MIX23: variants seen among roughly 807,000 people sequenced by gnomAD.
The protein encoded by MIX23 is protein MIX23.
Under a neutral mutation model 21.6 loss-of-function variants are expected in MIX23, and 13 were observed. That is an observed-to-expected ratio of 0.60 (90% CI 0.39 to 0.96). The LOEUF (loss-of-function observed/expected upper bound fraction) is 0.96, where lower values mean the gene tolerates loss of function less well. Ranked by LOEUF, MIX23 falls within the 40% of genes least tolerant of loss-of-function variation. The pLI, the probability that MIX23 is intolerant of heterozygous loss-of-function variation, is 0.00. For synonymous variants in MIX23, 59 were observed against 58.0 expected, an observed-to-expected ratio of 1.02 and a Z score of -0.08; for missense variants, 144 against 171.2, an observed-to-expected ratio of 0.84 and a Z score of 0.89.
chr3:122,380,639 A>G (rs751495112), intron 1 of MIX23, among the ~76,000 whole-genome samples: 5 of 152,184 alleles, frequency 3.3e-5, no homozygotes, highest in Non-Finnish European at 7.4e-5. Context: ...GACAAGAGGC[A>G]CTTTGGGATT....
At chr3:122,366,928 A>AC (rs780705077) in intron 3 of MIX23, among the ~76,000 whole-genome samples, 109 of 144,644 alleles carry the variant, frequency 7.5e-4, no homozygotes, top group Non-Finnish European at 1.4e-3. Context: ...ACAGAGTGAG[A>AC]CCCCATCTCA....
chr3:122,378,112 C>T (rs1267913949), intron 1 of MIX23, among the ~76,000 whole-genome samples: 1 of 152,156 alleles, frequency 6.6e-6, no homozygotes, highest in Non-Finnish European at 1.5e-5. Flanking sequence ...ATGATCAGAT[C>T]TGTGTTCTAA....
In MIX23 at chr3:122,377,180, C is replaced by A. The variant is rs2075494362; in HGVS notation, c.52-5380G>T. On this transcript the variant is annotated intron_variant, in intron 1 of 4. Coordinates refer to ENST00000291458, the MANE Select transcript of MIX23 (RefSeq NM_001017928.4). Reference sequence around the variant, plus strand: ...TGGGTGACAAAGCGAGACTCCATCTCCGAAAAGAAACCTGTATATGTACCC... The same window carrying A: ...TGGGTGACAAAGCGAGACTCCATCTACGAAAAGAAACCTGTATATGTACCC... Among the ~76,000 whole-genome samples, 3 of 152,014 alleles carry A rather than the reference C, an allele frequency of 2.0e-5. No individual in the cohort carries two copies. The South Asian group carries it at 6.2e-4, about 32-fold the overall frequency.
Position 122,376,166 on chromosome 3 carries a change from C to CAAAAAAAA in MIX23, c.52-4374_52-4367dup, listed in dbSNP as rs1158747986. Among the ~76,000 whole-genome samples the CAAAAAAAA allele has an allele frequency of 6.2e-5, 4 of 64,460 alleles. 1 individual carries two copies. The highest frequency in any genetic ancestry group is 1.9e-4 in the African/African-American group (3 of 15,446). The allele number at this position is 64,460 out of a possible 152,430, so 42.3% of individuals were successfully genotyped here. A position where few individuals can be genotyped will look rare whatever the true frequency, so the allele number is the denominator to read the frequency against. On this transcript the variant is annotated intron_variant, in intron 1 of 4. Transcript: ENST00000291458. ...TGGGCAGCAGAGAGAGACTCCGTCT[C>CAAAAAAAA]AAAAAAAAAAAAAAAAAAAAAAAGA...
At position 122,371,715 on chromosome 3, in the gene MIX23, T is replaced by C; in HGVS notation, c.137A>G (p.Lys46Arg). Residue 46 changes from lysine to arginine, a missense_variant, in exon 2 of 5, where the codon AAA becomes AGA. Coordinates refer to ENST00000291458, the MANE Select transcript of MIX23 (RefSeq NM_001017928.4). ...TTTACAGGTTTGGCTGGCATCAATT[T>C]TCCCTGCAAAGGAAGCTGTTGGAAC... is the stretch of plus-strand genomic sequence containing the variant. ...TTVPTASFAG[K>R]IDASQTCKQL... 6.2e-7 allele frequency: 1 copy of C among 1,612,686 alleles called. No individual in the cohort carries two copies. Among genetic ancestry groups the C allele is most frequent in the Non-Finnish European group, 8.5e-7 (1 of 1,179,840 alleles).
At chr3:122,377,044 G>A (rs1354450717) in intron 1 of MIX23, among the ~76,000 whole-genome samples, 1 of 152,164 alleles carries the variant, frequency 6.6e-6, no homozygotes, top group African/African-American at 2.4e-5. Flanking sequence ...AGCCGCGCAT[G>A]GTGGCGCACA....
intron 2 of MIX23, 66 bp downstream of exon 2, chr3:122,371,609 C>G: frequency 1.3e-6 from 2 of 1,552,324 alleles, no homozygotes; most frequent in Non-Finnish European, 1.8e-6. Context: ...TACAAGATAA[C>G]TGATTTCTTA....
chr3:122,369,336 C>A (rs1428350177), intron 2 of MIX23, among the ~76,000 whole-genome samples: 5 of 152,186 alleles, frequency 3.3e-5, no homozygotes. Context: ...TACTGATCAA[C>A]TCCTAGGAAG....
chr3:122,362,552 G>A (rs527849740), intron 4 of MIX23, among the ~76,000 whole-genome samples: 27 of 151,846 alleles, frequency 1.8e-4, no homozygotes, highest in Non-Finnish European at 3.5e-4. Flanking sequence ...CTTGATCTCA[G>A]CTCACTCCAA....
intron 1 of MIX23, among the ~76,000 whole-genome samples, chr3:122,379,851 A>G (rs16833066): frequency 0.033 from 4,991 of 152,270 alleles, 259 homozygotes; most frequent in African/African-American, 0.11. Context: ...CAAAACAAGA[A>G]GAGATCTGAT....
intron 1 of MIX23, among the ~76,000 whole-genome samples, chr3:122,376,555 G>A (rs980411289): frequency 1.3e-5 from 2 of 152,132 alleles, no homozygotes; most frequent in African/African-American, 2.4e-5. Flanking sequence ...GGAGGTGGAG[G>A]TTGCAGTGAA....
intron 1 of MIX23, among the ~76,000 whole-genome samples, chr3:122,379,585 C>G (rs1351301731): frequency 1.3e-5 from 2 of 152,172 alleles, no homozygotes; most frequent in Non-Finnish European, 2.9e-5. Flanking sequence ...GGAGGCTTAG[C>G]CCCAATGGCA....
chr3:122,362,924 A>G, intron 4 of MIX23, 44 bp downstream of exon 4: 1 of 1,540,386 alleles, frequency 6.5e-7, no homozygotes. Flanking sequence ...TTGCTAGTTC[A>G]GTTTCCCTCC....
chr3:122,374,056 A>G (rs1461978991), intron 1 of MIX23, among the ~76,000 whole-genome samples: 1 of 151,188 alleles, frequency 6.6e-6, no homozygotes, highest in East Asian at 1.9e-4. Flanking sequence ...ATAGGTAAGT[A>G]GAAGACAGGG....
At chr3:122,366,202 A>T (rs1192496270) in intron 3 of MIX23, among the ~76,000 whole-genome samples, 3 of 67,282 alleles carry the variant, frequency 4.5e-5, no homozygotes, top group Admixed American at 3.8e-4. Flanking sequence ...AAATAAATAA[A>T]TAAATAAATA....
At position 122,368,166 on chromosome 3, in the gene MIX23, T is replaced by C. The variant is rs759753659; in HGVS notation, c.324+10A>G. 1 of 1,609,642 alleles carries C rather than the reference T, an allele frequency of 6.2e-7. No homozygotes were observed. Among genetic ancestry groups the C allele is most frequent in the Non-Finnish European group, 8.5e-7 (1 of 1,179,198 alleles). The stretch of plus-strand genomic sequence containing the variant: ...CTTTGCCTGAGAAATGTTAATTCTG[T>C]TCAACTTACCTTTGTCTGCTCTTTT... On this transcript the variant is annotated intron_variant, in intron 3 of 4. Coordinates refer to ENST00000291458, the MANE Select transcript of MIX23 (RefSeq NM_001017928.4).
chr3:122,371,012 G>A (rs765667826), intron 2 of MIX23, among the ~76,000 whole-genome samples: 4 of 152,140 alleles, frequency 2.6e-5, no homozygotes, highest in Non-Finnish European at 5.9e-5. Flanking sequence ...TTGTGGTAGA[G>A]CTTAAAATAG....
chr3:122,371,255 G>A (rs11920570), intron 2 of MIX23, among the ~76,000 whole-genome samples: 32,637 of 152,142 alleles, frequency 0.21, 4,114 homozygotes, highest in Non-Finnish European at 0.27. Context: ...CCCTTCCTGA[G>A]GAGTGAGAAA....
chr3:122,379,388 C>T (rs991570369), intron 1 of MIX23, among the ~76,000 whole-genome samples: 20 of 152,054 alleles, frequency 1.3e-4, no homozygotes, highest in African/African-American at 4.8e-4. Flanking sequence ...AACTGTAAAC[C>T]GTCTCACCAG....
Sources: allele counts gnomAD v4.1 joint callset (sites outside exome capture counted in the v4.1 genomes callset), GRCh38; gene constraint gnomAD v4.1.1; transcripts MANE v1.5; gene names NCBI Gene and HGNC (gene_info 2026-07-23, HGNC 2026-07-21).